ZDHHC14: variants seen among roughly 807,000 people sequenced by gnomAD.
The protein encoded by ZDHHC14 is palmitoyltransferase ZDHHC14.
In ZDHHC14, 16 loss-of-function variants were observed where a neutral mutation model predicts 47.7. The observed-to-expected ratio is 0.34, with a 90% confidence interval of 0.23 to 0.51. The LOEUF is 0.51. ZDHHC14 is among the 20% of genes least tolerant of loss of function. The probability of loss-of-function intolerance (pLI) is 0.97; values close to 1 mark genes in which losing one functional copy is unlikely to be tolerated. For synonymous variants in ZDHHC14, 293 were observed against 278.9 expected, an observed-to-expected ratio of 1.05 and a Z score of -0.50; for missense variants, 515 against 662.5, an observed-to-expected ratio of 0.78 and a Z score of 2.44.
chr6:157,450,861 G>A (rs561218288), intron 1 of ZDHHC14, among the ~76,000 whole-genome samples: 44 of 152,278 alleles, frequency 2.9e-4, no homozygotes, highest in African/African-American at 9.9e-4. Context: ...GCACAAATCC[G>A]TAGTTGGCCT....
At chr6:157,490,607 A>T (rs529186324) in intron 1 of ZDHHC14, among the ~76,000 whole-genome samples, 1 of 152,254 alleles carries the variant, frequency 6.6e-6, no homozygotes, top group Non-Finnish European at 1.5e-5. Flanking sequence ...TACACAGGAG[A>T]ATTTCTGGCA....
intron 8 of ZDHHC14, among the ~76,000 whole-genome samples, chr6:157,655,963 G>C (rs1778070452): frequency 6.6e-6 from 1 of 152,200 alleles, no homozygotes; most frequent in African/African-American, 2.4e-5. Flanking sequence ...GCCACTTCAG[G>C]TCAAGACCAG....
At chr6:157,466,077 A>G (rs761044981) in intron 1 of ZDHHC14, among the ~76,000 whole-genome samples, 1 of 151,984 alleles carries the variant, frequency 6.6e-6, no homozygotes, top group Admixed American at 6.6e-5. Context: ...ATATGGGAAG[A>G]TAGGCATCTC....
chr6:157,473,104 G>A (rs1395208137), intron 1 of ZDHHC14, among the ~76,000 whole-genome samples: 3 of 152,142 alleles, frequency 2.0e-5, no homozygotes, highest in Admixed American at 6.5e-5. Flanking sequence ...TATGCACTGT[G>A]GAATGATGAA....
chr6:157,601,443 C>G (rs1238310151), intron 3 of ZDHHC14, among the ~76,000 whole-genome samples: 1 of 151,930 alleles, frequency 6.6e-6, no homozygotes, highest in African/African-American at 2.4e-5. Context: ...AATAACAGTA[C>G]CAACAAACAT....
In ZDHHC14 at chr6:157,394,161, C is replaced by T. The variant is rs183754933; in HGVS notation, c.245+11895C>T. Among the ~76,000 whole-genome samples, 517 of 152,308 alleles carry T rather than the reference C, an allele frequency of 3.4e-3. 5 individuals are homozygous for T. Among genetic ancestry groups the T allele is most frequent in the African/African-American group, 0.012 (488 of 41,574 alleles). On this transcript the variant is annotated intron_variant, in intron 1 of 8. Coordinates refer to ENST00000359775, the MANE Select transcript of ZDHHC14 (RefSeq NM_024630.3). ...GGAACATTCTCACTTCCACCCTTCC[C>T]GCCTACCCACCGCCATCAGGCTGTA...
intron 1 of ZDHHC14, among the ~76,000 whole-genome samples, chr6:157,405,788 G>A (rs148933705): frequency 3.0e-4 from 45 of 152,232 alleles, no homozygotes; most frequent in Admixed American, 1.2e-3. Flanking sequence ...TCTAGTTAGC[G>A]CTTTGATGTA....
At chr6:157,671,194 T>C (rs748447508) in intron 8 of ZDHHC14, among the ~76,000 whole-genome samples, 1 of 152,178 alleles carries the variant, frequency 6.6e-6, no homozygotes, top group Non-Finnish European at 1.5e-5. Context: ...ATAAGCCAAA[T>C]AACATTTATT....
chr6:157,542,229 T>C (rs1781792599), intron 1 of ZDHHC14, among the ~76,000 whole-genome samples: 1 of 152,160 alleles, frequency 6.6e-6, no homozygotes, highest in Admixed American at 6.5e-5. Flanking sequence ...GGGGATCTCA[T>C]AGACTCCCGA....
intron 3 of ZDHHC14, among the ~76,000 whole-genome samples, chr6:157,616,566 G>A (rs529399670): frequency 2.0e-5 from 3 of 152,124 alleles, no homozygotes; most frequent in African/African-American, 7.2e-5. Flanking sequence ...AGGAAAGGCT[G>A]CCAGGCCACT....
At chr6:157,670,220 G>C (rs544514818) in intron 8 of ZDHHC14, among the ~76,000 whole-genome samples, 1 of 152,210 alleles carries the variant, frequency 6.6e-6, no homozygotes, top group Non-Finnish European at 1.5e-5. Context: ...AAGCACCGCC[G>C]TGGCACAAAT....
At chr6:157,429,701 T>C (rs993294707) in intron 1 of ZDHHC14, among the ~76,000 whole-genome samples, 10 of 152,108 alleles carry the variant, frequency 6.6e-5, no homozygotes, top group South Asian at 2.1e-4. Context: ...CTTGAAGGGC[T>C]GGATAAAGCA....
chr6:157,595,559 C>G (rs1045548765), intron 3 of ZDHHC14, among the ~76,000 whole-genome samples: 1 of 152,096 alleles, frequency 6.6e-6, no homozygotes, highest in Non-Finnish European at 1.5e-5. Context: ...TTTAAAATTC[C>G]TTTTGGATTA....
intron 1 of ZDHHC14, among the ~76,000 whole-genome samples, chr6:157,487,562 T>C (rs1779811169): frequency 6.6e-6 from 1 of 152,208 alleles, no homozygotes; most frequent in African/African-American, 2.4e-5. Context: ...ATCCTTCATG[T>C]ACAGACGCTG....
chr6:157,630,125 G>C (rs1030589766), intron 4 of ZDHHC14: 1 of 152,214 alleles, frequency 6.6e-6, no homozygotes, highest in Non-Finnish European at 1.5e-5. Flanking sequence ...GATTACAGGC[G>C]TGGGCCACAG....
At chr6:157,666,191 G>A (rs1778548520) in intron 8 of ZDHHC14, among the ~76,000 whole-genome samples, 1 of 152,190 alleles carries the variant, frequency 6.6e-6, no homozygotes, top group Non-Finnish European at 1.5e-5. Context: ...GGCACTTGTT[G>A]CTACAAAGGT....
At chr6:157,451,273 G>T (rs1778797200) in intron 1 of ZDHHC14, among the ~76,000 whole-genome samples, 1 of 152,212 alleles carries the variant, frequency 6.6e-6, no homozygotes, top group South Asian at 2.1e-4. Flanking sequence ...ATTTGGAGAA[G>T]TGGCAAATGG....
chr6:157,485,906 G>A (rs539928514), intron 1 of ZDHHC14, among the ~76,000 whole-genome samples: 4 of 152,244 alleles, frequency 2.6e-5, no homozygotes, highest in East Asian at 3.9e-4. Context: ...CCAGCTACTC[G>A]GGAGGCTGAG....
At chr6:157,415,374 A>C (rs1777953239) in intron 1 of ZDHHC14, among the ~76,000 whole-genome samples, 1 of 152,228 alleles carries the variant, frequency 6.6e-6, no homozygotes, top group Admixed American at 6.5e-5. Context: ...TGGTAGAGGC[A>C]GTAAGGACAG....
Sources: gnomAD v4.1 joint callset for allele counts (sites outside exome capture counted in the v4.1 genomes callset) on GRCh38, gnomAD v4.1.1 for gene constraint, MANE v1.5 for transcripts, NCBI Gene and HGNC (gene_info 2026-07-23, HGNC 2026-07-21) for gene names.